SPDYA: variants seen among roughly 807,000 people sequenced by gnomAD.
The protein encoded by SPDYA is speedy/RINGO cell cycle regulator family member A.
Under a neutral mutation model 36.7 loss-of-function variants are expected in SPDYA, and 11 were observed. That is an observed-to-expected ratio of 0.30 (90% CI 0.19 to 0.50). SPDYA has a LOEUF of 0.50. SPDYA is among the 20% of genes least tolerant of loss of function. The probability of loss-of-function intolerance (pLI) is 0.98; values close to 1 mark genes in which losing one functional copy is unlikely to be tolerated. For missense variants in SPDYA, 287 were observed against 370.9 expected (o/e 0.77, Z 1.86); for synonymous variants, 115 against 118.7 (o/e 0.97, Z 0.20).
chr2:28,846,653 G>A (rs532189766), intron 7 of SPDYA, among the ~76,000 whole-genome samples: 5 of 151,508 alleles, frequency 3.3e-5, no homozygotes, highest in Middle Eastern at 3.4e-3. Flanking sequence ...TGAAGAAAGA[G>A]CTTAAGCTGG....
rs1668651140 is a variant in SPDYA, at chr2:28,837,978, A to G, written c.553-2194A>G. Reference sequence around the variant, plus strand: ...GGAACACTGACCCAAGGCACCCCCCAATCACTAAAAATGACAAAAGAATAA... The same window carrying G: ...GGAACACTGACCCAAGGCACCCCCCGATCACTAAAAATGACAAAAGAATAA... On this transcript the variant is annotated intron_variant, in intron 6 of 7. Coordinates refer to ENST00000334056, the MANE Select transcript of SPDYA (RefSeq NM_182756.4). Among the ~76,000 whole-genome samples, 3 of 151,826 alleles carry G rather than the reference A, an allele frequency of 2.0e-5. No individual in the cohort carries two copies. In the South Asian group the frequency reaches 6.2e-4, roughly 32 times the overall value.
rs574220843 is a variant in SPDYA at position 28,837,912 on chromosome 2, G to T, written c.553-2260G>T. On this transcript the variant is annotated intron_variant, in intron 6 of 7. Transcript: ENST00000334056. The stretch of plus-strand genomic sequence containing the variant: ...CCTCTTGAGATCACAGACAGGTAGA[G>T]TATATACACAGAAAAACAGAGGGCC... 5.3e-5 allele frequency among the ~76,000 whole-genome samples: 8 copies of T among 152,064 alleles called. No homozygotes were observed. In the South Asian group the frequency reaches 1.7e-3, roughly 32 times the overall value.
Position 28,850,187 on chromosome 2 carries a change from C to T in SPDYA, c.*246C>T. The T allele has an allele frequency of 6.2e-7, 1 of 1,607,942 alleles. No individual in the cohort carries two copies. Among genetic ancestry groups the T allele is most frequent in the African/African-American group, 1.3e-5 (1 of 74,870 alleles). On this transcript the variant is annotated 3_prime_UTR_variant, in exon 8 of 8. Coordinates refer to ENST00000334056, the MANE Select transcript of SPDYA (RefSeq NM_182756.4). ...TTTCCATCTTCAAGTCAGTTACTGT[C>T]ATCTGGAGTACTCAGTTAAGTTGTG...
chr2:28,828,148 A>T (rs1036321704), intron 5 of SPDYA, among the ~76,000 whole-genome samples: 1 of 151,316 alleles, frequency 6.6e-6, no homozygotes, highest in African/African-American at 2.4e-5. Flanking sequence ...CACCACGCCC[A>T]GCTAATGTTT....
chr2:28,836,202 G>A (rs557506940), intron 6 of SPDYA, among the ~76,000 whole-genome samples: 3 of 152,312 alleles, frequency 2.0e-5, no homozygotes, highest in Non-Finnish European at 2.9e-5. Flanking sequence ...AGGAGGCTGG[G>A]ATTTACTCAA....
intron 4 of SPDYA, 93 bp downstream of exon 4, chr2:28,819,199 ATTAG>A: frequency 1.1e-6 from 1 of 943,256 alleles, no homozygotes; most frequent in Non-Finnish European, 1.6e-6. Flanking sequence ...TTTCTATCTT[ATTAG>A]TTATGATTAA....
At chr2:28,839,993 A>C (rs1668710889) in intron 6 of SPDYA, among the ~76,000 whole-genome samples, 179 bp from the exon 7 acceptor site, 1 of 152,216 alleles carries the variant, frequency 6.6e-6, no homozygotes, top group African/African-American at 2.4e-5. Context: ...TAAAGATCCA[A>C]GCAATGAGTC....
intron 1 of SPDYA, 25 bp from the exon 2 acceptor site, chr2:28,814,588 C>T (rs1031206195): frequency 6.6e-6 from 1 of 152,154 alleles, no homozygotes; most frequent in Non-Finnish European, 1.5e-5. Flanking sequence ...GTTCTAACCT[C>T]GCTAAATCCA....
At chr2:28,848,301 T>A (rs1668934176) in intron 7 of SPDYA, among the ~76,000 whole-genome samples, 1 of 152,230 alleles carries the variant, frequency 6.6e-6, no homozygotes, top group Non-Finnish European at 1.5e-5. Context: ...GGAATCCCAT[T>A]TTTCTTAGGA....
intron 2 of SPDYA, among the ~76,000 whole-genome samples, chr2:28,815,690 AT>A (rs1395385159): frequency 2.0e-5 from 3 of 152,184 alleles, no homozygotes; most frequent in African/African-American, 7.2e-5. Context: ...CTACAAATAA[AT>A]TATGAAGTCA....
chr2:28,834,485 T>C (rs1178782791), intron 6 of SPDYA, among the ~76,000 whole-genome samples: 1 of 152,206 alleles, frequency 6.6e-6, no homozygotes, highest in Admixed American at 6.5e-5. Flanking sequence ...CATCAGCTGA[T>C]AGAATGGATA....
At chr2:28,824,109 C>T (rs759258748) in intron 5 of SPDYA, among the ~76,000 whole-genome samples, 13 of 151,914 alleles carry the variant, frequency 8.6e-5, no homozygotes, top group Non-Finnish European at 1.9e-4. Flanking sequence ...AAGTTGAATA[C>T]CACAATAGCT....
rs150431770 is a variant in SPDYA, at chr2:28,847,811, G to A, written c.851-2039G>A. ...GGATGGAAGGAAAGATTATAATGGA[G>A]CTGAAAAATTCCTATCACCTACTGA... On this transcript the variant is annotated intron_variant, in intron 7 of 7. Transcript: ENST00000334056. 3.8e-3 allele frequency among the ~76,000 whole-genome samples: 570 copies of A among 151,808 alleles called. 6 individuals carry two copies. The highest frequency in any genetic ancestry group is 0.013 in the African/African-American group (538 of 41,412).
intron 7 of SPDYA, 178 bp downstream of exon 7, chr2:28,840,647 G>A: frequency 7.3e-7 from 1 of 1,378,400 alleles, no homozygotes. Flanking sequence ...TTGTTTTGTG[G>A]TGACCCACCT....
intron 1 of SPDYA, among the ~76,000 whole-genome samples, chr2:28,813,880 C>T (rs190182217): frequency 3.1e-4 from 47 of 152,148 alleles, no homozygotes; most frequent in African/African-American, 1.1e-3. Context: ...GCTGCTCTTA[C>T]TTTGAAAAAA....
Position 28,832,943 on chromosome 2 carries a change from C to T in SPDYA, c.552+3624C>T, listed in dbSNP as rs573015601. 1.4e-3 allele frequency among the ~76,000 whole-genome samples: 212 copies of T among 150,898 alleles called. 5 individuals are homozygous for T. The highest frequency in any genetic ancestry group is 0.013 in the Admixed American group (196 of 15,048). ...GCAGCCTTAACCTCCTAGACTCAAG[C>T]GATCTCCTGCCTTAGCCTCCCAAGT... On this transcript the variant is annotated intron_variant, in intron 6 of 7. Coordinates refer to ENST00000334056, the MANE Select transcript of SPDYA (RefSeq NM_182756.4).
intron 6 of SPDYA, among the ~76,000 whole-genome samples, chr2:28,832,568 G>A (rs549927583): frequency 6.6e-6 from 1 of 152,116 alleles, no homozygotes; most frequent in South Asian, 2.1e-4. Flanking sequence ...CAAACTTAAC[G>A]TGCCTAAAAT....
chr2:28,838,118 T>G (rs1007618348), intron 6 of SPDYA, among the ~76,000 whole-genome samples: 2 of 151,296 alleles, frequency 1.3e-5, no homozygotes, highest in African/African-American at 4.9e-5. Context: ...TTTTCTCATA[T>G]AAAAGACACC....
At chr2:28,840,826 G>C (rs1010494367) in intron 7 of SPDYA, 2 of 952,928 alleles carry the variant, frequency 2.1e-6, no homozygotes, top group Non-Finnish European at 2.5e-6. Context: ...GTTTCCTTCT[G>C]TATACTTTTC....
Sources: gnomAD v4.1 joint callset for allele counts (sites outside exome capture counted in the v4.1 genomes callset) on GRCh38, gnomAD v4.1.1 for gene constraint, MANE v1.5 for transcripts, NCBI Gene and HGNC (gene_info 2026-07-23, HGNC 2026-07-21) for gene names.